Variants in GLIS3 observed in about 807,000 individuals in gnomAD.
GLIS3 encodes GLIS family zinc finger 3.
In GLIS3, 53 loss-of-function variants were observed where a neutral mutation model predicts 78.6. The observed-to-expected ratio is 0.67, with a 90% CI of 0.54 to 0.85. The LOEUF is 0.85. GLIS3 is among the 40% of genes least tolerant of loss of function. The probability of loss-of-function intolerance (pLI) is 0.00; values close to 1 mark genes in which losing one functional copy is unlikely to be tolerated. For missense variants in GLIS3, 1,703 were observed against 1,231.1 expected (o/e 1.38, Z -5.74); for synonymous variants, 684 against 509.9 (o/e 1.34, Z -4.60).
At chr9:4,473,466 A>AAAAAAAAAAAAAAAAG in the GLIS3 span, among the ~76,000 whole-genome samples, 326 of 135,318 alleles carry the variant, frequency 2.4e-3, 10 homozygotes, top group Non-Finnish European at 3.4e-3. Context: ...ACAACAAAAA[A>AAAAAAAAAAAAAAAAG]AAAGGATCAT....
chr9:4,233,257 T>A (rs964357037), intron 2 of GLIS3, among the ~76,000 whole-genome samples: 1 of 152,206 alleles, frequency 6.6e-6, no homozygotes, highest in Non-Finnish European at 1.5e-5. Context: ...AAGTTATAGC[T>A]GGCCACTGTC....
At chr9:3,990,795 G>C (rs1375203873) in intron 4 of GLIS3, among the ~76,000 whole-genome samples, 3 of 152,128 alleles carry the variant, frequency 2.0e-5, no homozygotes, top group Admixed American at 2.0e-4. Context: ...ATTTAAAAAT[G>C]TTAAATTTTC....
the GLIS3 span, among the ~76,000 whole-genome samples, chr9:4,370,021 G>A: frequency 2.9e-4 from 44 of 151,854 alleles, no homozygotes; most frequent in South Asian, 2.1e-3. Context: ...GTGAAACTCC[G>A]TCTGTACTAA....
At chr9:4,397,126 C>T in the GLIS3 span, among the ~76,000 whole-genome samples, 9 of 139,374 alleles carry the variant, frequency 6.5e-5, 1 homozygote, top group South Asian at 1.2e-3. Context: ...CCTGGGTTCA[C>T]GCCATTCTCC....
chr9:4,360,213 T>A, the GLIS3 span, among the ~76,000 whole-genome samples: 2,800 of 152,266 alleles, frequency 0.018, 84 homozygotes, highest in African/African-American at 0.063. Context: ...GACCCACCTG[T>A]GGCTTTTAGT....
intron 4 of GLIS3, among the ~76,000 whole-genome samples, chr9:3,937,853 TC>T (rs1314662403): frequency 6.6e-6 from 1 of 152,198 alleles, no homozygotes; most frequent in Non-Finnish European, 1.5e-5. Context: ...GAAATCATTT[TC>T]CAAAAAAGTA....
At chr9:4,260,750 A>G (rs1414238530) in intron 2 of GLIS3, among the ~76,000 whole-genome samples, 1 of 151,804 alleles carries the variant, frequency 6.6e-6, no homozygotes, top group East Asian at 1.9e-4. Flanking sequence ...GTCCCAAAAA[A>G]GAAAAAAAAA....
chr9:4,340,720 G>T (rs1037765186), intron 2 of GLIS3, among the ~76,000 whole-genome samples: 2 of 152,118 alleles, frequency 1.3e-5, no homozygotes, highest in Admixed American at 6.5e-5. Context: ...ACAGAGTCTC[G>T]CTCTGTCACC....
At chr9:4,040,089 A>G (rs185817003) in intron 4 of GLIS3, among the ~76,000 whole-genome samples, 1 of 152,290 alleles carries the variant, frequency 6.6e-6, no homozygotes, top group Non-Finnish European at 1.5e-5. Context: ...CATCTGCAGG[A>G]AAGCCCCCTA....
At chr9:4,410,108 T>G in the GLIS3 span, among the ~76,000 whole-genome samples, 1 of 151,858 alleles carries the variant, frequency 6.6e-6, no homozygotes, top group Admixed American at 6.6e-5. Context: ...ATTGCTGGGA[T>G]TACAGAAATG....
chr9:4,340,843 G>C (rs188620421), intron 2 of GLIS3, among the ~76,000 whole-genome samples: 34 of 152,200 alleles, frequency 2.2e-4, no homozygotes, highest in Middle Eastern at 3.4e-3. Context: ...TTATAGGTGT[G>C]GGTGACCCCT....
intron 2 of GLIS3, among the ~76,000 whole-genome samples, chr9:4,159,462 T>C (rs1406981289): frequency 1.3e-5 from 2 of 152,226 alleles, no homozygotes; most frequent in East Asian, 1.9e-4. Context: ...CTCATGTCTG[T>C]AATCCCAGCA....
chr9:4,456,305 T>C, the GLIS3 span, among the ~76,000 whole-genome samples: 4 of 152,166 alleles, frequency 2.6e-5, no homozygotes, highest in Non-Finnish European at 4.4e-5. Flanking sequence ...ACAGATCAGA[T>C]TGATGGTTGC....
intron 2 of GLIS3, among the ~76,000 whole-genome samples, chr9:4,133,851 C>T: frequency 6.7e-6 from 1 of 148,962 alleles, no homozygotes; most frequent in South Asian, 2.2e-4. Flanking sequence ...CACACACACA[C>T]ACACACACAC....
At chr9:4,092,134 T>C (rs1357316031) in intron 4 of GLIS3, among the ~76,000 whole-genome samples, 1 of 147,330 alleles carries the variant, frequency 6.8e-6, no homozygotes, top group Non-Finnish European at 1.5e-5. Flanking sequence ...AAATTTATCT[T>C]ACTGTAACTG....
the GLIS3 span, among the ~76,000 whole-genome samples, chr9:4,465,363 C>T: frequency 1.3e-4 from 20 of 152,298 alleles, 1 homozygote; most frequent in East Asian, 1.9e-4. Context: ...GCCTGGCCAA[C>T]GTGGTGAAAC....
At chr9:4,247,562 G>A (rs1345817156) in intron 2 of GLIS3, among the ~76,000 whole-genome samples, 7 of 152,050 alleles carry the variant, frequency 4.6e-5, no homozygotes, top group Non-Finnish European at 1.0e-4. Context: ...GTTCATTCCT[G>A]TACCAGAAAT....
chr9:4,015,284 G>A (rs1225058200), intron 4 of GLIS3, among the ~76,000 whole-genome samples: 3 of 152,058 alleles, frequency 2.0e-5, no homozygotes, highest in Non-Finnish European at 4.4e-5. Context: ...CAGGTAAAGA[G>A]TCTAACCTTC....
chr9:3,988,448 C>T (rs979814490), intron 4 of GLIS3, among the ~76,000 whole-genome samples: 6 of 152,028 alleles, frequency 3.9e-5, no homozygotes, highest in African/African-American at 1.2e-4. Flanking sequence ...GGTAAAGAAA[C>T]CTAAATGGAA....
Sources: gnomAD v4.1 joint callset for allele counts (sites outside exome capture counted in the v4.1 genomes callset) on GRCh38, gnomAD v4.1.1 for gene constraint, MANE v1.5 for transcripts, NCBI Gene and HGNC (gene_info 2026-07-23, HGNC 2026-07-21) for gene names.